HIVEP2: variants seen among roughly 807,000 people sequenced by gnomAD.
The protein encoded by HIVEP2 is transcription factor HIVEP2.
A neutral mutation model predicts 180.7 loss-of-function variants in HIVEP2; 14 were observed. The observed-to-expected ratio is 0.08, with a 90% CI of 0.05 to 0.12. HIVEP2 has a LOEUF of 0.12. Among genes scored for constraint, HIVEP2 ranks in the 10% least tolerant of loss-of-function variants. The pLI, the probability that HIVEP2 is intolerant of heterozygous loss-of-function variation, is 1.00. For missense variants in HIVEP2, 2,579 were observed against 3,008.5 expected (o/e 0.86, Z 3.34); for synonymous variants, 1,184 against 1,136.4 (o/e 1.04, Z -0.84).
At chr6:142,809,837 A>G (rs936241538) in intron 2 of HIVEP2, among the ~76,000 whole-genome samples, 3 of 151,936 alleles carry the variant, frequency 2.0e-5, no homozygotes, top group African/African-American at 7.2e-5. Context: ...CAAGTGATCC[A>G]CCTGCCACAG....
Position 142,809,054 on chromosome 6 carries a change from G to A in HIVEP2, c.-527-25439C>T, listed in dbSNP as rs140102337. On this transcript the variant is annotated intron_variant, in intron 2 of 9. Coordinates refer to ENST00000367603, the MANE Select transcript of HIVEP2 (RefSeq NM_006734.4). Reference sequence around the variant, plus strand: ...GAGTACAAGGTCTTTCACAGAATACGTGCTTAAGATATCACAGTATCAGTA... The same window carrying A: ...GAGTACAAGGTCTTTCACAGAATACATGCTTAAGATATCACAGTATCAGTA... 2.8e-3 allele frequency among the ~76,000 whole-genome samples: 428 copies of A among 152,044 alleles called. 2 individuals carry two copies. The highest frequency in any genetic ancestry group is 8.4e-3 in the African/African-American group (349 of 41,450).
intron 1 of HIVEP2, among the ~76,000 whole-genome samples, chr6:142,927,595 T>C (rs1436201755): frequency 6.6e-6 from 1 of 152,226 alleles, no homozygotes; most frequent in Non-Finnish European, 1.5e-5. Flanking sequence ...ATTAGGACCT[T>C]AAGTTATCCT....
At chr6:142,918,697 T>C (rs1021163148) in intron 1 of HIVEP2, among the ~76,000 whole-genome samples, 1 of 152,202 alleles carries the variant, frequency 6.6e-6, no homozygotes, top group African/African-American at 2.4e-5. Flanking sequence ...CTTTCACTTT[T>C]AGGGAATTAA....
chr6:142,856,302 G>C (rs1775821026), intron 1 of HIVEP2, among the ~76,000 whole-genome samples: 1 of 151,620 alleles, frequency 6.6e-6, no homozygotes, highest in Non-Finnish European at 1.5e-5. Context: ...AGAGAAAAAA[G>C]TGAAAAGAAT....
chr6:142,829,929 T>C (rs981717756), intron 2 of HIVEP2, among the ~76,000 whole-genome samples: 1 of 152,248 alleles, frequency 6.6e-6, no homozygotes, highest in Non-Finnish European at 1.5e-5. Flanking sequence ...TACTGCCCTA[T>C]AGTTATTAAA....
At chr6:142,871,880 C>G (rs1315569473) in intron 1 of HIVEP2, among the ~76,000 whole-genome samples, 1 of 152,138 alleles carries the variant, frequency 6.6e-6, no homozygotes, top group African/African-American at 2.4e-5. Flanking sequence ...CTAAATTCAG[C>G]TGAAATGCAA....
intron 1 of HIVEP2, among the ~76,000 whole-genome samples, chr6:142,840,445 C>A (rs1258534487): frequency 6.6e-6 from 1 of 152,004 alleles, no homozygotes; most frequent in Non-Finnish European, 1.5e-5. Flanking sequence ...CAGAAAAACA[C>A]CATTTATCCC....
intron 1 of HIVEP2, among the ~76,000 whole-genome samples, chr6:142,918,660 T>C (rs1777618717): frequency 6.6e-6 from 1 of 152,210 alleles, no homozygotes; most frequent in Non-Finnish European, 1.5e-5. Context: ...TAACAACTTC[T>C]TATTCACCAA....
At chr6:142,847,988 A>T (rs1328390967) in intron 1 of HIVEP2, among the ~76,000 whole-genome samples, 1 of 152,240 alleles carries the variant, frequency 6.6e-6, no homozygotes, top group Non-Finnish European at 1.5e-5. Flanking sequence ...CAGAGAACTT[A>T]ATCCTAAATA....
At chr6:142,767,401 A>G (rs1229802902) in intron 6 of HIVEP2, among the ~76,000 whole-genome samples, 2 of 152,258 alleles carry the variant, frequency 1.3e-5, no homozygotes, top group Non-Finnish European at 2.9e-5. Context: ...ACCAAATAGA[A>G]TAATCCATCT....
At chr6:142,794,983 T>C (rs970768609) in intron 2 of HIVEP2, among the ~76,000 whole-genome samples, 1 of 152,184 alleles carries the variant, frequency 6.6e-6, no homozygotes, top group African/African-American at 2.4e-5. Context: ...ACCAATTATA[T>C]GTGATCTAAT....
chr6:142,780,450 A>G (rs1775829020), intron 3 of HIVEP2, among the ~76,000 whole-genome samples: 1 of 152,216 alleles, frequency 6.6e-6, no homozygotes, highest in Admixed American at 6.5e-5. Context: ...TTTCTCTCCA[A>G]CACTATCCTT....
In HIVEP2 at chr6:142,859,344, C is replaced by A. The variant is rs150257811; in HGVS notation, c.-640-22297G>T. Among the ~76,000 whole-genome samples the A allele has an allele frequency of 4.0e-3, 606 of 151,874 alleles. 4 individuals are homozygous for A. The highest frequency in any genetic ancestry group is 0.013 in the African/African-American group (549 of 41,408). On this transcript the variant is annotated intron_variant, in intron 1 of 9. Coordinates refer to ENST00000367603, the MANE Select transcript of HIVEP2 (RefSeq NM_006734.4). ...TGTGTGATGGCACATGCCTGTAGTC[C>A]TTGCTATTTGGGAGGCTGAGATGGG...
intron 1 of HIVEP2, among the ~76,000 whole-genome samples, chr6:142,857,218 GAA>G (rs534174184): frequency 7.9e-6 from 1 of 127,030 alleles, no homozygotes; most frequent in African/African-American, 2.9e-5. Context: ...GAGCAAATTA[GAA>G]AAAAAAAAAA....
intron 1 of HIVEP2, among the ~76,000 whole-genome samples, chr6:142,897,523 G>A (rs1777030025): frequency 6.6e-6 from 1 of 152,196 alleles, no homozygotes; most frequent in East Asian, 1.9e-4. Flanking sequence ...ATACAGTAAT[G>A]AGAATGGATG....
At chr6:142,917,378 G>C (rs1777581150) in intron 1 of HIVEP2, among the ~76,000 whole-genome samples, 1 of 151,682 alleles carries the variant, frequency 6.6e-6, no homozygotes, top group Non-Finnish European at 1.5e-5. Context: ...CTCTGCATAG[G>C]GACAGTGACA....
rs1775239736 is a variant in HIVEP2, at chr6:142,836,941, G to T, written c.-534C>A. 6.6e-6 allele frequency: 1 copy of T among 152,016 alleles called. No individual in the cohort carries two copies. The highest frequency in any genetic ancestry group is 1.9e-4 in the East Asian group (1 of 5,190). 9.4% of individuals were successfully genotyped at this position (152,016 alleles called of 1,614,324 possible). A position where few individuals can be genotyped will look rare whatever the true frequency, so the allele number is the denominator to read the frequency against. On this transcript the variant is annotated 5_prime_UTR_variant, in exon 2 of 10. Transcript: ENST00000367603. ...AGCACTTGGCTTGACTTACCTAGTG[G>T]CTGTATGTTAAAGCATCGGTAAAAG...
intron 1 of HIVEP2, among the ~76,000 whole-genome samples, chr6:142,904,221 C>T (rs1777205734): frequency 6.6e-6 from 1 of 152,186 alleles, no homozygotes. Flanking sequence ...TGAGGACACA[C>T]ATTCTACTTT....
intron 1 of HIVEP2, among the ~76,000 whole-genome samples, chr6:142,938,457 C>T (rs1778105442): frequency 6.6e-6 from 1 of 152,228 alleles, no homozygotes; most frequent in Non-Finnish European, 1.5e-5. Context: ...TTTAAATCAC[C>T]TTTCCTATAA....
Sources: gnomAD v4.1 joint callset for allele counts (sites outside exome capture counted in the v4.1 genomes callset) on GRCh38, gnomAD v4.1.1 for gene constraint, MANE v1.5 for transcripts, NCBI Gene and HGNC (gene_info 2026-07-23, HGNC 2026-07-21) for gene names.